HOXD11: variants seen among roughly 807,000 people sequenced by gnomAD.
HOXD11 encodes homeobox D11, also known as homeobox protein Hox-D11.
A neutral mutation model predicts 23.1 loss-of-function variants in HOXD11; 16 were observed. The ratio of observed to expected loss-of-function variants is 0.69; its 90% CI spans 0.47 to 1.05. The LOEUF (loss-of-function observed/expected upper bound fraction) is 1.05. Among genes scored for constraint, HOXD11 ranks in the 50% least tolerant of loss-of-function variants. HOXD11 has a pLI of 0.00. For missense variants in HOXD11, 564 were observed against 495.6 expected, an observed-to-expected ratio of 1.14 and a Z score of -1.31; for synonymous variants, 262 against 224.4, an observed-to-expected ratio of 1.17 and a Z score of -1.50.
downstream of HOXD11, among the ~76,000 whole-genome samples, chr2:176,110,473 C>G (rs1281610987): frequency 6.6e-6 from 1 of 152,140 alleles, no homozygotes; most frequent in Non-Finnish European, 1.5e-5. Context: ...CTCTCCTAAG[C>G]CCAAAGACAA....
downstream of HOXD11, among the ~76,000 whole-genome samples, chr2:176,113,222 C>A (rs1255473429): frequency 6.6e-6 from 1 of 152,120 alleles, no homozygotes; most frequent in African/African-American, 2.4e-5. Context: ...TGACACAGCC[C>A]AGAGGTGGCT....
At position 176,107,706 on chromosome 2, in the gene HOXD11, C is replaced by G. The variant is rs948688954; in HGVS notation, c.351C>G (p.Ala117=). ...CGGCGGCGGCGGCGGCTGCGGCGGC[C>G]GCGGCGGCCGAGGAGGCGGCCATGC... ...YAAAAAAAAA[A]AAAEEAAMQR... Residue 117 remains alanine (A), a synonymous_variant, in exon 1 of 2, where the codon GCC becomes GCG. Coordinates refer to ENST00000249504, the MANE Select transcript of HOXD11 (RefSeq NM_021192.3). 1.3e-5 allele frequency: 14 copies of G among 1,052,834 alleles called. No homozygotes were observed. Among genetic ancestry groups the G allele is most frequent in the Non-Finnish European group, 1.6e-5 (14 of 877,176 alleles). The allele number at this position is 1,052,834 out of a possible 1,614,324, so 65.2% of individuals were successfully genotyped here.
Position 176,109,691 on chromosome 2 carries a change from C to A in HOXD11, c.*549C>A, listed in dbSNP as rs1040627980. ...GAATTCTCCTCTTTGAGGTTTAGTG[C>A]CTCCTTAGGATATTTTAGTGGCCAG... On this transcript the variant is annotated 3_prime_UTR_variant, in exon 2 of 2. Transcript: ENST00000249504. The A allele has an allele frequency of 2.1e-5, 4 of 194,748 alleles. No individual in the cohort carries two copies. Among genetic ancestry groups the A allele is most frequent in the Non-Finnish European group, 4.3e-5 (4 of 93,834 alleles). 12.1% of individuals were successfully genotyped at this position (194,748 alleles called of 1,614,324 possible).
chr2:176,113,164 C>T (rs927402281), downstream of HOXD11, among the ~76,000 whole-genome samples: 2 of 152,054 alleles, frequency 1.3e-5, no homozygotes, highest in African/African-American at 4.8e-5. Flanking sequence ...GAGGAGCGCC[C>T]GGGGAAGACA....
chr2:176,115,017 T>G, the HOXD11 span, among the ~76,000 whole-genome samples: 1 of 152,252 alleles, frequency 6.6e-6, no homozygotes, highest in Admixed American at 6.5e-5. Context: ...AAATCAAGGT[T>G]AAAGCTCCCC....
downstream of HOXD11, among the ~76,000 whole-genome samples, chr2:176,114,520 A>G (rs1418005186): frequency 1.3e-5 from 2 of 152,082 alleles, no homozygotes; most frequent in African/African-American, 2.4e-5. Context: ...GGTCTGTCTC[A>G]TTGCCACCGC....
At position 176,107,872 on chromosome 2, in the gene HOXD11, A is replaced by G; in HGVS notation, c.517A>G (p.Ile173Val). ...NFYSAVGRNGILPQGFDQFYE... is the reference protein window; with the variant it reads ...NFYSAVGRNGVLPQGFDQFYE... ...CTACAGCGCGGTGGGCCGCAATGGC[A>G]TCTTGCCACAGGGCTTCGACCAGTT... Residue 173 changes from isoleucine (I) to valine (V), a missense_variant, in exon 1 of 2, where the codon ATC becomes GTC. By Grantham distance (29) the Ile-to-Val change is conservative (BLOSUM62 3). Coordinates refer to ENST00000249504, the MANE Select transcript of HOXD11 (RefSeq NM_021192.3). 1 of 1,453,636 alleles carries G rather than the reference A, an allele frequency of 6.9e-7. No individual in the cohort carries two copies. Among genetic ancestry groups the G allele is most frequent in the Non-Finnish European group, 9.1e-7 (1 of 1,100,754 alleles). 90.0% of individuals were successfully genotyped at this position (1,453,636 alleles called of 1,614,324 possible). A position where few individuals can be genotyped will look rare whatever the true frequency, so the allele number is the denominator to read the frequency against.
Position 176,107,865 on chromosome 2 carries a change from C to A in HOXD11, c.510C>A (p.Arg170=). The A allele has an allele frequency of 6.9e-7, 1 of 1,453,152 alleles. No individual in the cohort carries two copies. The highest frequency in any genetic ancestry group is 9.1e-7 in the Non-Finnish European group (1 of 1,100,466). The allele number at this position is 1,453,152 out of a possible 1,614,324, so 90.0% of individuals were successfully genotyped here. A position where few individuals can be genotyped will look rare whatever the true frequency, so the allele number is the denominator to read the frequency against. Residue 170 remains arginine, a synonymous_variant, in exon 1 of 2, where the codon CGC becomes CGA. Coordinates refer to ENST00000249504, the MANE Select transcript of HOXD11 (RefSeq NM_021192.3). ...AASNFYSAVG[R]NGILPQGFDQ... is the part of the protein sequence containing the mutation. Reference sequence around the variant, plus strand: ...CCAACTTCTACAGCGCGGTGGGCCGCAATGGCATCTTGCCACAGGGCTTCG... The same window carrying A: ...CCAACTTCTACAGCGCGGTGGGCCGAAATGGCATCTTGCCACAGGGCTTCG...
At chr2:176,112,895 C>A (rs1272424796), downstream of HOXD11, among the ~76,000 whole-genome samples, 2 of 152,192 alleles carry the variant, frequency 1.3e-5, no homozygotes, top group African/African-American at 2.4e-5. Flanking sequence ...GGGCTGAAGA[C>A]CTCTCCCCAC....
intron 1 of HOXD11, 119 bp from the exon 2 acceptor site, chr2:176,108,788 G>C (rs1171394464): frequency 4.5e-5 from 30 of 664,942 alleles, no homozygotes; most frequent in Non-Finnish European, 1.0e-5. Flanking sequence ...TTTCGGCCGC[G>C]GCAGAGAACG....
At chr2:176,110,535 C>A (rs1689659327), downstream of HOXD11, among the ~76,000 whole-genome samples, 2 of 152,268 alleles carry the variant, frequency 1.3e-5, no homozygotes, top group African/African-American at 4.8e-5. Context: ...AGGAGTCATG[C>A]ACTTCAAAAT....
At position 176,109,441 on chromosome 2, in the gene HOXD11, G is replaced by A; in HGVS notation, c.*299G>A. Reference sequence around the variant, plus strand: ...CCTCTCCGAGTCCTCGTGGGGACACGGCGGGGTCTGTAGGAAGTTGGGCCG... The same window carrying A: ...CCTCTCCGAGTCCTCGTGGGGACACAGCGGGGTCTGTAGGAAGTTGGGCCG... On this transcript the variant is annotated 3_prime_UTR_variant, in exon 2 of 2. Coordinates refer to ENST00000249504, the MANE Select transcript of HOXD11 (RefSeq NM_021192.3). 1 of 362,134 alleles carries A rather than the reference G, an allele frequency of 2.8e-6. No homozygotes were observed. The highest frequency in any genetic ancestry group is 2.0e-5 in the African/African-American group (1 of 49,228). The allele number at this position is 362,134 out of a possible 1,614,324, so 22.4% of individuals were successfully genotyped here.
At position 176,107,662 on chromosome 2, in the gene HOXD11, T is replaced by A; in HGVS notation, c.307T>A (p.Tyr103Asn). Residue 103 changes from tyrosine to asparagine, a missense_variant, in exon 1 of 2, where the codon TAC becomes AAC. By Grantham distance (143) the Tyr-to-Asn change is moderately radical. Transcript: ENST00000249504. ...PGGGGGGAGGYAPYYAAAAAA... is the reference protein window; with the variant it reads ...PGGGGGGAGGNAPYYAAAAAA... ...CGGGGGCGGCGGCGGCGCGGGGGGC[T>A]ACGCTCCCTACTACGCGGCGGCGGC... is the stretch of plus-strand genomic sequence containing the variant. 2.1e-6 allele frequency: 2 copies of A among 973,522 alleles called. No individual in the cohort carries two copies. Among genetic ancestry groups the A allele is most frequent in the Non-Finnish European group, 2.4e-6 (2 of 821,684 alleles). 60.3% of individuals were successfully genotyped at this position (973,522 alleles called of 1,614,324 possible).
At chr2:176,114,380 G>C (rs541953120), downstream of HOXD11, among the ~76,000 whole-genome samples, 4 of 152,146 alleles carry the variant, frequency 2.6e-5, no homozygotes, top group Non-Finnish European at 5.9e-5. Context: ...CTCGAAAACA[G>C]CCACCCCTGT....
chr2:176,115,061 G>T, the HOXD11 span, among the ~76,000 whole-genome samples: 1 of 152,250 alleles, frequency 6.6e-6, no homozygotes, highest in Non-Finnish European at 1.5e-5. Flanking sequence ...TCCGCAGGGC[G>T]GCTCACCCGC....
rs1193568203 is a variant in HOXD11, at chr2:176,107,569, A to C, written c.214A>C (p.Lys72Gln). 3.2e-6 allele frequency: 5 copies of C among 1,564,374 alleles called. No homozygotes were observed. The highest frequency in any genetic ancestry group is 1.4e-5 in the African/African-American group (1 of 71,756). Residue 72 changes from lysine to glutamine, a missense_variant, in exon 1 of 2, where the codon AAG (lysine) becomes CAG (glutamine). Lys to Gln is a moderately conservative substitution (Grantham distance 53, BLOSUM62 1). Coordinates refer to ENST00000249504, the MANE Select transcript of HOXD11 (RefSeq NM_021192.3). ...CCGCGACTACGGCCTGGAGCGCGCC[A>C]AGTGGCCGTACCGCGGCGGCGGCGG... The part of the protein sequence containing the change: ...AFRDYGLERA[K>Q]WPYRGGGGGG...
chr2:176,111,826 C>CAAAAAAAAAAAAAAA (rs1176283938), downstream of HOXD11, among the ~76,000 whole-genome samples: 480 of 22,744 alleles, frequency 0.021, 104 homozygotes, highest in African/African-American at 0.025. Flanking sequence ...CTCCCCCCCG[C>CAAAAAAAAAAAAAAA]AAAAAAAAAA....
chr2:176,110,850 G>A (rs891419052), downstream of HOXD11, among the ~76,000 whole-genome samples: 13 of 152,146 alleles, frequency 8.5e-5, 1 homozygote, highest in Admixed American at 8.5e-4. Flanking sequence ...TAATGCAATA[G>A]CAGTCAACTT....
chr2:176,109,847 T>G (rs1183288600), downstream of HOXD11: 2 of 159,710 alleles, frequency 1.3e-5, no homozygotes. Context: ...ATTGACGATG[T>G]GACCAAGCAA....
Sources: allele counts gnomAD v4.1 joint callset (sites outside exome capture counted in the v4.1 genomes callset), GRCh38; gene constraint gnomAD v4.1.1; transcripts MANE v1.5; gene names NCBI Gene and HGNC (gene_info 2026-07-23, HGNC 2026-07-21).